IKZF1: variants seen among roughly 807,000 people sequenced by gnomAD.
The protein encoded by IKZF1 is DNA-binding protein Ikaros.
Under a neutral mutation model 51.7 loss-of-function variants are expected in IKZF1, and 10 were observed. The ratio of observed to expected loss-of-function variants is 0.19; its 90% CI spans 0.12 to 0.33. The LOEUF (loss-of-function observed/expected upper bound fraction) is 0.33. Among genes scored for constraint, IKZF1 ranks in the 10% least tolerant of loss-of-function variants. The probability of loss-of-function intolerance (pLI) is 1.00; values close to 1 mark genes in which losing one functional copy is unlikely to be tolerated. For missense variants in IKZF1, 484 were observed against 707.5 expected (o/e 0.68, Z 3.58); for synonymous variants, 280 against 282.3 (o/e 0.99, Z 0.08).
rs144178210 is a variant in IKZF1, at chr7:50,386,460, A to G, written c.590-885A>G. ...GACAGCACTAATAGAGAGCATTTCT[A>G]TCATCATAGGAAGTTCTGTTGAACA... On this transcript the variant is annotated intron_variant, in intron 5 of 7. Coordinates refer to ENST00000331340, the MANE Select transcript of IKZF1 (RefSeq NM_006060.6). Among the ~76,000 whole-genome samples the G allele has an allele frequency of 2.7e-3, 409 of 152,372 alleles. 3 individuals are homozygous for G. Among genetic ancestry groups the G allele is most frequent in the African/African-American group, 9.3e-3 (387 of 41,592 alleles).
intron 3 of IKZF1, among the ~76,000 whole-genome samples, chr7:50,330,145 G>A (rs1159078597): frequency 6.6e-6 from 1 of 152,172 alleles, no homozygotes; most frequent in African/African-American, 2.4e-5. Context: ...AGTCAGGGGC[G>A]GGTTTGTCAT....
chr7:50,323,474 G>A (rs1038401577), intron 2 of IKZF1, among the ~76,000 whole-genome samples: 1 of 152,200 alleles, frequency 6.6e-6, no homozygotes, highest in African/African-American at 2.4e-5. Flanking sequence ...TAATCTACTT[G>A]AGAAATTATT....
chr7:50,319,151 C>T (rs1421488323), intron 2 of IKZF1, 50 bp downstream of exon 2: 5 of 1,554,282 alleles, frequency 3.2e-6, no homozygotes, highest in Non-Finnish European at 4.4e-6. Flanking sequence ...AAAAGCTTCC[C>T]TGGGGCCGGA....
intron 3 of IKZF1, among the ~76,000 whole-genome samples, chr7:50,356,940 C>T (rs1803597873): frequency 6.6e-6 from 1 of 151,700 alleles, no homozygotes; most frequent in Admixed American, 6.6e-5. Context: ...GTCCGGTCTT[C>T]TGGAAGCTGG....
At chr7:50,328,541 A>G (rs1795648395) in intron 3 of IKZF1, 1 of 152,220 alleles carries the variant, frequency 6.6e-6, no homozygotes, top group Non-Finnish European at 1.5e-5. Context: ...TTTCTTCTTT[A>G]AAAAGAGAAA....
At chr7:50,392,321 C>T (rs1224035065) in intron 7 of IKZF1, among the ~76,000 whole-genome samples, 1 of 152,126 alleles carries the variant, frequency 6.6e-6, no homozygotes, top group Non-Finnish European at 1.5e-5. Flanking sequence ...GTGACTGACC[C>T]CTGAGAAGTG....
intron 3 of IKZF1, among the ~76,000 whole-genome samples, chr7:50,335,898 C>T (rs1479446354): frequency 6.6e-6 from 1 of 151,956 alleles, no homozygotes; most frequent in Non-Finnish European, 1.5e-5. Context: ...TGGCAGGTGG[C>T]TCTGCTGTTC....
At chr7:50,311,356 A>T (rs1358113621) in intron 1 of IKZF1, among the ~76,000 whole-genome samples, 1 of 152,204 alleles carries the variant, frequency 6.6e-6, no homozygotes, top group Non-Finnish European at 1.5e-5. Flanking sequence ...TTCTGTATTT[A>T]TATGTAGATT....
chr7:50,346,848 A>T (rs934234847), intron 3 of IKZF1, among the ~76,000 whole-genome samples: 1 of 152,176 alleles, frequency 6.6e-6, no homozygotes, highest in Admixed American at 6.5e-5. Flanking sequence ...TTTATTTACT[A>T]TTCCATTTCT....
At chr7:50,365,585 A>G (rs1024309001) in intron 3 of IKZF1, among the ~76,000 whole-genome samples, 12 of 152,230 alleles carry the variant, frequency 7.9e-5, no homozygotes, top group African/African-American at 2.7e-4. Flanking sequence ...ACAATGAGAT[A>G]CCATCTCACA....
intron 2 of IKZF1, among the ~76,000 whole-genome samples, chr7:50,322,560 G>C (rs1793680357): frequency 6.6e-6 from 1 of 152,184 alleles, no homozygotes; most frequent in Non-Finnish European, 1.5e-5. Flanking sequence ...GATAGACTTG[G>C]AGGAGAGCAT....
chr7:50,348,026 G>A lies in IKZF1; in HGVS notation c.160+20269G>A, dbSNP rs371384503. ...GACCACAGAGCAGGGGGCCATGCAG[G>A]GGACCAAGGGACATTTTAGTGTAAC... is the stretch of plus-strand genomic sequence containing the variant. On this transcript the variant is annotated intron_variant, in intron 3 of 7. Transcript: ENST00000331340. Among the ~76,000 whole-genome samples, 9 of 152,262 alleles carry A rather than the reference G, an allele frequency of 5.9e-5. No individual in the cohort carries two copies. In the East Asian group the frequency reaches 1.7e-3, roughly 29 times the overall value.
chr7:50,366,244 T>C (rs1806906594), intron 3 of IKZF1, among the ~76,000 whole-genome samples: 1 of 152,170 alleles, frequency 6.6e-6, no homozygotes, highest in East Asian at 1.9e-4. Context: ...CATGTACTCC[T>C]GAACTTAAAA....
intron 6 of IKZF1, among the ~76,000 whole-genome samples, chr7:50,390,863 T>A (rs1814841397): frequency 1.3e-5 from 2 of 152,192 alleles, no homozygotes; most frequent in African/African-American, 4.8e-5. Context: ...GACCCCATGA[T>A]AAATCAGCAT....
chr7:50,333,252 A>G (rs1044013671), intron 3 of IKZF1, among the ~76,000 whole-genome samples: 12 of 149,278 alleles, frequency 8.0e-5, no homozygotes, highest in Non-Finnish European at 1.2e-4. Flanking sequence ...GAGGATTACC[A>G]TATTTTAAAT....
rs1283886153 is a variant in IKZF1, at chr7:50,402,421, G to A, written c.*1794G>A. The A allele has an allele frequency of 8.7e-6, 2 of 230,650 alleles. No individual in the cohort carries two copies. Among genetic ancestry groups the A allele is most frequent in the East Asian group, 1.2e-4 (2 of 16,348 alleles). The allele number at this position is 230,650 out of a possible 1,614,324, so 14.3% of individuals were successfully genotyped here. A position where few individuals can be genotyped will look rare whatever the true frequency, so the allele number is the denominator to read the frequency against. On this transcript the variant is annotated 3_prime_UTR_variant, in exon 8 of 8. Transcript: ENST00000331340. ...TATCCCTGGTGGCTACCCAATAGAC[G>A]CCAGTAGCACCCCGAATTGACAACC...
Position 50,368,556 on chromosome 7 carries a change from T to G in IKZF1, c.161-7977T>G. The G allele has an allele frequency of 7.1e-6, 4 of 561,312 alleles. No homozygotes were observed. In the South Asian group the frequency reaches 9.4e-5, roughly 13 times the overall value. The allele number at this position is 561,312 out of a possible 1,614,324, so 34.8% of individuals were successfully genotyped here. A position where few individuals can be genotyped will look rare whatever the true frequency, so the allele number is the denominator to read the frequency against. The stretch of plus-strand genomic sequence containing the variant: ...AAATTGCAGGCCTCCAGGCCGTTAT[T>G]CTGTGGTGCATCGCTGCTGGAGCCA... On this transcript the variant is annotated intron_variant, in intron 3 of 7. Transcript: ENST00000331340.
intron 3 of IKZF1, among the ~76,000 whole-genome samples, chr7:50,370,222 A>G (rs1051195535): frequency 4.6e-5 from 7 of 152,250 alleles, no homozygotes; most frequent in African/African-American, 1.7e-4. Flanking sequence ...TCAATGGAAA[A>G]ATGCGTTCTG....
intron 3 of IKZF1, among the ~76,000 whole-genome samples, chr7:50,371,419 C>A (rs763353160): frequency 6.6e-6 from 1 of 152,250 alleles, no homozygotes. Flanking sequence ...AACAGGCCAA[C>A]ACCCACTTGT....
Sources: gnomAD v4.1 joint callset for allele counts (sites outside exome capture counted in the v4.1 genomes callset) on GRCh38, gnomAD v4.1.1 for gene constraint, MANE v1.5 for transcripts, NCBI Gene and HGNC (gene_info 2026-07-23, HGNC 2026-07-21) for gene names.